The following RBFOX1 variants were observed in gnomAD, a reference collection of about 807,000 sequenced individuals.
RBFOX1 encodes RNA binding fox-1 homolog 1.
RBFOX1 carries 8 observed loss-of-function variants against 57.7 expected under a neutral mutation model. The observed-to-expected ratio is 0.14, with a 90% CI of 0.08 to 0.25. RBFOX1 has a LOEUF of 0.25. Among genes scored for constraint, RBFOX1 ranks in the 10% least tolerant of loss-of-function variants. The probability of loss-of-function intolerance (pLI) is 1.00; values close to 1 mark genes in which losing one functional copy is unlikely to be tolerated. For synonymous variants in RBFOX1, 326 were observed against 222.4 expected (o/e 1.47, Z -4.15); for missense variants, 611 against 548.5 (o/e 1.11, Z -1.14).
At chr16:6,372,613 C>T (rs1306554522) in intron 2 of RBFOX1, among the ~76,000 whole-genome samples, 1 of 142,540 alleles carries the variant, frequency 7.0e-6, no homozygotes, top group South Asian at 2.3e-4. Flanking sequence ...TCATTGGGAT[C>T]ACTGGGCAGG....
At chr16:7,410,978 C>T (rs141526678) in intron 4 of RBFOX1, among the ~76,000 whole-genome samples, 1 of 152,108 alleles carries the variant, frequency 6.6e-6, no homozygotes, top group African/African-American at 2.4e-5. Flanking sequence ...CAGAGTCTCA[C>T]TCTGTCACCC....
chr16:6,948,375 C>CTTTCTTTTTTTTTTTTTT, intron 3 of RBFOX1, among the ~76,000 whole-genome samples: 1 of 67,968 alleles, frequency 1.5e-5, no homozygotes, highest in Non-Finnish European at 2.8e-5. Flanking sequence ...TTCTCCCTTT[C>CTTTCTTTTTTTTTTTTTT]TTTTTTTTTT....
At position 7,427,513 on chromosome 16, in the gene RBFOX1, C is replaced by G. The variant is rs556328132; in HGVS notation, c.28-90634C>G. Among the ~76,000 whole-genome samples, 178 of 152,188 alleles carry G rather than the reference C, an allele frequency of 1.2e-3. 2 individuals are homozygous for G. Among genetic ancestry groups the G allele is most frequent in the African/African-American group, 4.0e-3 (168 of 41,522 alleles). ...GCTCTCCCAGTGCAGAAGAAAATCCCCAGTCTCTAACCAACTTCTGAGACA... is the reference window on the plus strand; with the variant it reads ...GCTCTCCCAGTGCAGAAGAAAATCCGCAGTCTCTAACCAACTTCTGAGACA... On this transcript the variant is annotated intron_variant, in intron 4 of 15. Transcript: ENST00000550418.
intron 2 of RBFOX1, among the ~76,000 whole-genome samples, chr16:6,501,030 G>T (rs1163808331): frequency 6.6e-6 from 1 of 151,636 alleles, no homozygotes; most frequent in East Asian, 1.9e-4. Context: ...AGCAGGGTAG[G>T]ATGGTCTCAC....
intron 1 of RBFOX1, among the ~76,000 whole-genome samples, chr16:5,418,010 G>C (rs747257225): frequency 6.6e-6 from 1 of 152,144 alleles, no homozygotes; most frequent in Non-Finnish European, 1.5e-5. Flanking sequence ...GAACCGAGGA[G>C]GCAGAGGTTG....
intron 3 of RBFOX1, among the ~76,000 whole-genome samples, chr16:6,989,084 A>G (rs1296470466): frequency 6.6e-6 from 1 of 151,854 alleles, no homozygotes; most frequent in East Asian, 1.9e-4. Context: ...TTTAGTAGAG[A>G]CGGGATTTCG....
At chr16:7,499,691 A>G (rs565734571) in intron 4 of RBFOX1, among the ~76,000 whole-genome samples, 1 of 152,292 alleles carries the variant, frequency 6.6e-6, no homozygotes, top group South Asian at 2.1e-4. Flanking sequence ...AGACTATGCA[A>G]AAACAAGTGC....
chr16:7,085,364 A>AT (rs1219414044), intron 4 of RBFOX1, among the ~76,000 whole-genome samples: 108 of 152,188 alleles, frequency 7.1e-4, no homozygotes, highest in African/African-American at 2.6e-3. Context: ...ACTTCAAAAA[A>AT]AAATATATAT....
chr16:7,093,889 T>G (rs915612904), intron 4 of RBFOX1, among the ~76,000 whole-genome samples: 3 of 152,078 alleles, frequency 2.0e-5, no homozygotes, highest in African/African-American at 7.2e-5. Flanking sequence ...ACAAAACTCA[T>G]TGAATATTTG....
intron 3 of RBFOX1, among the ~76,000 whole-genome samples, chr16:5,842,960 G>A (rs1171050527): frequency 1.3e-5 from 2 of 151,934 alleles, no homozygotes; most frequent in East Asian, 1.9e-4. Context: ...CTGGGATTAC[G>A]GGCATGTGCT....
intron 4 of RBFOX1, among the ~76,000 whole-genome samples, chr16:5,880,311 C>G (rs968574435): frequency 6.6e-6 from 1 of 152,158 alleles, no homozygotes; most frequent in African/African-American, 2.4e-5. Flanking sequence ...TTTTTTGCCT[C>G]CCAAGGTTCT....
At chr16:6,234,103 C>T (rs2097486863) in intron 1 of RBFOX1, among the ~76,000 whole-genome samples, 1 of 152,138 alleles carries the variant, frequency 6.6e-6, no homozygotes, top group South Asian at 2.1e-4. Context: ...GCATTCATCC[C>T]ACTCATGAGG....
intron 1 of RBFOX1, among the ~76,000 whole-genome samples, chr16:6,312,778 A>G (rs2080530635): frequency 7.3e-6 from 1 of 136,330 alleles, no homozygotes; most frequent in African/African-American, 2.8e-5. Context: ...CTGTTTCCCT[A>G]CCTTCCATCT....
intron 4 of RBFOX1, among the ~76,000 whole-genome samples, chr16:7,442,915 T>G (rs1179744725): frequency 6.6e-6 from 1 of 152,186 alleles, no homozygotes; most frequent in African/African-American, 2.4e-5. Flanking sequence ...TTTGAGCCAT[T>G]GCCTGTTCCT....
chr16:6,955,859 C>T (rs1232472353), intron 3 of RBFOX1, among the ~76,000 whole-genome samples: 1 of 152,130 alleles, frequency 6.6e-6, no homozygotes, highest in Middle Eastern at 3.4e-3. Context: ...ATGCATGCCA[C>T]CATGCTCAGC....
chr16:6,717,382 A>C (rs561964316), intron 3 of RBFOX1, among the ~76,000 whole-genome samples: 87 of 152,308 alleles, frequency 5.7e-4, no homozygotes, highest in African/African-American at 1.9e-3. Flanking sequence ...TCAACTGTGC[A>C]TCTTCCTACA....
intron 2 of RBFOX1, among the ~76,000 whole-genome samples, chr16:6,375,978 C>T (rs897977066): frequency 3.3e-5 from 5 of 152,178 alleles, no homozygotes; most frequent in Non-Finnish European, 1.5e-5. Flanking sequence ...CTGCTGCCTC[C>T]AGCTCCCCCT....
intron 3 of RBFOX1, among the ~76,000 whole-genome samples, chr16:6,858,773 A>G (rs1289113925): frequency 6.6e-6 from 1 of 152,098 alleles, no homozygotes; most frequent in Non-Finnish European, 1.5e-5. Context: ...CTTAGTTGAA[A>G]GTTTTAGAAA....
chr16:7,119,222 T>G (rs1178027468), intron 4 of RBFOX1, among the ~76,000 whole-genome samples: 1 of 152,118 alleles, frequency 6.6e-6, no homozygotes, highest in Non-Finnish European at 1.5e-5. Context: ...TTACTGTAGG[T>G]ACAAGGCAGT....
Sources: allele counts gnomAD v4.1 joint callset (sites outside exome capture counted in the v4.1 genomes callset), GRCh38; gene constraint gnomAD v4.1.1; transcripts MANE v1.5; gene names NCBI Gene and HGNC (gene_info 2026-07-23, HGNC 2026-07-21).